The following WNK3 variants were observed in gnomAD, a reference collection of about 807,000 sequenced individuals.
The protein encoded by WNK3 is WNK lysine deficient protein kinase 3.
A neutral mutation model predicts 116.7 loss-of-function variants in WNK3; 18 were observed. That is an observed-to-expected ratio of 0.15 (90% confidence interval 0.11 to 0.23). WNK3 has a LOEUF of 0.23. Ranked by LOEUF, WNK3 falls within the 10% of genes least tolerant of loss-of-function variation. The pLI is 1.00. For synonymous variants in WNK3, 404 were observed against 469.4 expected (o/e 0.86, Z 1.80); for missense variants, 993 against 1,323.8 (o/e 0.75, Z 3.88).
chrX:54,353,639 C>A (rs1314438807), intron 1 of WNK3, among the ~76,000 whole-genome samples: 1 of 106,943 alleles, frequency 9.4e-6, no homozygotes, highest in African/African-American at 3.4e-5. Flanking sequence ...TCCAGCTACT[C>A]GGGAGGCTAA....
intron 13 of WNK3, among the ~76,000 whole-genome samples, chrX:54,253,534 G>A (rs1664321738): frequency 9.0e-6 from 1 of 110,789 alleles, no homozygotes; most frequent in Non-Finnish European, 1.9e-5. Flanking sequence ...CCCAAAGTGC[G>A]GGGATTACAG....
At chrX:54,199,980 C>A (rs1211177426) in intron 23 of WNK3, among the ~76,000 whole-genome samples, 1 of 112,431 alleles carries the variant, frequency 8.9e-6, no homozygotes, top group Non-Finnish European at 1.9e-5. Flanking sequence ...TACTTTCAAT[C>A]CCTTCACGCT....
chrX:54,234,026 G>T (rs139994568), intron 20 of WNK3, among the ~76,000 whole-genome samples: 1,475 of 108,802 alleles, frequency 0.014, 36 homozygotes, highest in African/African-American at 0.048. Context: ...ATAAAAATCG[G>T]TGAAGAAACC....
chrX:54,197,239 C>A (rs1410928672), exon 24 of WNK3: 1 of 112,271 alleles, frequency 8.9e-6, no homozygotes, highest in Non-Finnish European at 1.9e-5. Context: ...ACCAATGCCT[C>A]TCAGATGCTC....
intron 21 of WNK3, among the ~76,000 whole-genome samples, chrX:54,229,243 T>TA (rs1416437629): frequency 9.1e-6 from 1 of 109,691 alleles, no homozygotes; most frequent in Non-Finnish European, 1.9e-5. Flanking sequence ...AAAAAGCAGA[T>TA]AAAACATATC....
intron 6 of WNK3, among the ~76,000 whole-genome samples, chrX:54,299,449 GTTTTT>G (rs11383477): frequency 1.2e-5 from 1 of 83,706 alleles, no homozygotes; most frequent in Admixed American, 1.3e-4. Context: ...GTGTTTTGGT[GTTTTT>G]TTTTTTTTTT....
intron 17 of WNK3, among the ~76,000 whole-genome samples, chrX:54,243,328 G>A (rs1157898094): frequency 9.4e-6 from 1 of 106,151 alleles, no homozygotes; most frequent in East Asian, 2.9e-4. Flanking sequence ...GGCTGAGGCA[G>A]GAGAATGGCG....
At chrX:54,315,826 G>T (rs1270708610) in intron 2 of WNK3, among the ~76,000 whole-genome samples, 2 of 111,688 alleles carry the variant, frequency 1.8e-5, no homozygotes, top group Non-Finnish European at 3.8e-5. Flanking sequence ...GGTACCTTAT[G>T]TAGTCCCATG....
intron 10 of WNK3, among the ~76,000 whole-genome samples, chrX:54,283,813 T>G: frequency 1.0e-5 from 1 of 95,536 alleles, no homozygotes; most frequent in African/African-American, 3.9e-5. Context: ...GGTAGAGATG[T>G]GGAGAAAGGG....
intron 17 of WNK3, 134 bp from the exon 18 acceptor site, chrX:54,239,233 T>C (rs886834501): frequency 2.6e-5 from 11 of 420,260 alleles, no homozygotes; most frequent in Middle Eastern, 6.8e-4. Context: ...ATTTCTTGTA[T>C]AGACTAATCT....
chrX:54,250,087 A>G (rs1557153813), exon 16 of WNK3: 3 of 1,200,527 alleles, frequency 2.5e-6, no homozygotes, highest in Admixed American at 2.2e-5. Context: ...TGATTGATAC[A>G]GAATCGCCAC....
At chrX:54,225,425 A>G (rs1346098329) in intron 22 of WNK3, among the ~76,000 whole-genome samples, 1 of 109,447 alleles carries the variant, frequency 9.1e-6, no homozygotes, top group Admixed American at 9.9e-5. Context: ...GTTCAAGACC[A>G]GCCTGGCCAA....
At chrX:54,246,789 A>G (rs2068077893) in intron 17 of WNK3, among the ~76,000 whole-genome samples, 1 of 112,015 alleles carries the variant, frequency 8.9e-6, no homozygotes, top group Non-Finnish European at 1.9e-5. Flanking sequence ...AGTGCTCAAT[A>G]GTCATATCTG....
intron 10 of WNK3, among the ~76,000 whole-genome samples, chrX:54,273,123 C>T (rs921045716): frequency 1.4e-4 from 16 of 111,920 alleles, no homozygotes; most frequent in African/African-American, 2.9e-4. Context: ...TAGTTGTCAA[C>T]GCTAGATATT....
chrX:54,354,657 A>G (rs782035592), intron 1 of WNK3, among the ~76,000 whole-genome samples: 4 of 111,576 alleles, frequency 3.6e-5, no homozygotes, highest in Non-Finnish European at 7.5e-5. Context: ...ACAAACCTGC[A>G]CATCCTGCAC....
At chrX:54,247,301 C>T (rs1302913518) in intron 17 of WNK3, among the ~76,000 whole-genome samples, 1 of 110,288 alleles carries the variant, frequency 9.1e-6, no homozygotes, top group Non-Finnish European at 1.9e-5. Flanking sequence ...ATTCGAATCA[C>T]ATTATGTGAT....
At chrX:54,353,413 G>A (rs868966355) in intron 1 of WNK3, among the ~76,000 whole-genome samples, 6 of 110,573 alleles carry the variant, frequency 5.4e-5, no homozygotes, top group Non-Finnish European at 1.1e-4. Context: ...AGCCAAGATC[G>A]TGCCATTGCA....
intron 2 of WNK3, among the ~76,000 whole-genome samples, chrX:54,320,259 A>G (rs782510964): frequency 2.7e-5 from 3 of 111,712 alleles, no homozygotes; most frequent in Non-Finnish European, 3.8e-5. Context: ...ACCAACCTGT[A>G]TATATATTTA....
chrX:54,236,117 C>CT (rs1245549471), intron 20 of WNK3, among the ~76,000 whole-genome samples: 5 of 108,502 alleles, frequency 4.6e-5, no homozygotes, highest in Admixed American at 3.0e-4. Context: ...AATTTCTTTT[C>CT]TTTTTTTTTA....
Sources: allele counts gnomAD v4.1 joint callset (sites outside exome capture counted in the v4.1 genomes callset), GRCh38; gene constraint gnomAD v4.1.1; transcripts MANE v1.5; gene names NCBI Gene and HGNC (gene_info 2026-07-23, HGNC 2026-07-21).